The following SMCO4 variants were observed in gnomAD, a reference collection of about 807,000 sequenced individuals.
SMCO4 encodes the protein single-pass membrane protein with coiled-coil domains 4, also known as single-pass membrane and coiled-coil domain-containing protein 4.
Under a neutral mutation model 3.6 loss-of-function variants are expected in SMCO4, and 4 were observed. The ratio of observed to expected loss-of-function variants is 1.11; its 90% CI spans 0.54 to 2.53. SMCO4 has a LOEUF of 2.53. SMCO4 is among the 30% of genes most tolerant of loss of function. The pLI, the probability that SMCO4 is intolerant of heterozygous loss-of-function variation, is 0.02. For synonymous variants in SMCO4, 36 were observed against 35.3 expected (o/e 1.02, Z -0.07); for missense variants, 70 against 80.8 (o/e 0.87, Z 0.51).
At chr11:93,511,419 T>C (rs1948955675) in intron 1 of SMCO4, among the ~76,000 whole-genome samples, 1 of 151,832 alleles carries the variant, frequency 6.6e-6, no homozygotes, top group African/African-American at 2.4e-5. Context: ...ATTATAACGT[T>C]GATAAAAAGA....
At chr11:93,507,512 T>C (rs1948918991) in intron 1 of SMCO4, among the ~76,000 whole-genome samples, 1 of 152,234 alleles carries the variant, frequency 6.6e-6, no homozygotes, top group South Asian at 2.1e-4. Context: ...ATGTGATATG[T>C]TGATATTTTT....
chr11:93,531,542 C>T (rs1283120601), intron 1 of SMCO4, among the ~76,000 whole-genome samples: 1 of 152,180 alleles, frequency 6.6e-6, no homozygotes, highest in Non-Finnish European at 1.5e-5. Context: ...TATAATGAAT[C>T]TCTTTATATA....
At chr11:93,542,114 G>A (rs80023310) in intron 1 of SMCO4, among the ~76,000 whole-genome samples, 15 of 148,572 alleles carry the variant, frequency 1.0e-4, no homozygotes, top group Middle Eastern at 3.5e-3. Flanking sequence ...TTGTAAAGGG[G>A]AAAAAAAAAA....
At chr11:93,541,621 TAC>T (rs1015234875) in intron 1 of SMCO4, among the ~76,000 whole-genome samples, 2 of 152,094 alleles carry the variant, frequency 1.3e-5, no homozygotes, top group African/African-American at 4.8e-5. Flanking sequence ...ACAGGTGAAA[TAC>T]ACACTTTCTA....
chr11:93,527,321 C>CT (rs1162240809), intron 1 of SMCO4, among the ~76,000 whole-genome samples: 1 of 152,176 alleles, frequency 6.6e-6, no homozygotes, highest in African/African-American at 2.4e-5. Flanking sequence ...CTGAAGCTGA[C>CT]TAGCTCTGTG....
In SMCO4 at chr11:93,513,456, CAT is replaced by C. The variant is rs1463484881; in HGVS notation, c.-153-14110_-153-14109del. ...CTAAATTAATTTCAGAATGAGGTAA[CAT>C]AGGTCATGACCTGCAGCTGGAGATG... On this transcript the variant is annotated intron_variant, in intron 1 of 2. Transcript: ENST00000298966. 3.9e-5 allele frequency among the ~76,000 whole-genome samples: 6 copies of C among 152,298 alleles called. No homozygotes were observed. The East Asian group carries it at 1.2e-3, about 29-fold the overall frequency.
chr11:93,493,475 G>A (rs999869375), intron 2 of SMCO4, among the ~76,000 whole-genome samples: 6 of 152,030 alleles, frequency 3.9e-5, no homozygotes, highest in African/African-American at 1.5e-4. Context: ...TAAAATAGAG[G>A]CTGCAGACAC....
intron 2 of SMCO4, among the ~76,000 whole-genome samples, chr11:93,484,818 C>A (rs1180121139): frequency 6.6e-6 from 1 of 151,986 alleles, no homozygotes; most frequent in African/African-American, 2.4e-5. Context: ...CTGGTTCAGG[C>A]TCTCAGGGGA....
At chr11:93,543,862 C>T (rs1949294378), upstream of SMCO4, among the ~76,000 whole-genome samples, 1 of 152,226 alleles carries the variant, frequency 6.6e-6, no homozygotes, top group Admixed American at 6.5e-5. Context: ...GAGACTTTTA[C>T]CGCTGTCTAC....
At chr11:93,549,850 A>T in the SMCO4 span, among the ~76,000 whole-genome samples, 13 of 152,184 alleles carry the variant, frequency 8.5e-5, no homozygotes, top group African/African-American at 3.1e-4. Context: ...CTGTACATTT[A>T]TGTAAGTATC....
upstream of SMCO4, among the ~76,000 whole-genome samples, chr11:93,545,316 G>A (rs916062979): frequency 2.6e-5 from 4 of 152,086 alleles, no homozygotes; most frequent in Non-Finnish European, 5.9e-5. Context: ...GGCTGGGCGT[G>A]GTGGCTTACC....
chr11:93,534,327 TATAC>T (rs1949195915), intron 1 of SMCO4, among the ~76,000 whole-genome samples: 1 of 146,752 alleles, frequency 6.8e-6, no homozygotes, highest in Non-Finnish European at 1.5e-5. Flanking sequence ...TATATACACA[TATAC>T]ATATATACAC....
intron 1 of SMCO4, among the ~76,000 whole-genome samples, chr11:93,517,884 T>C (rs1949022402): frequency 6.6e-6 from 1 of 152,236 alleles, no homozygotes; most frequent in African/African-American, 2.4e-5. Flanking sequence ...TTGTATGGTG[T>C]CACTGGAAAA....
chr11:93,488,912 TG>T (rs1233749139), intron 2 of SMCO4, among the ~76,000 whole-genome samples: 8 of 151,910 alleles, frequency 5.3e-5, no homozygotes, highest in Non-Finnish European at 1.2e-4. Flanking sequence ...AGGAAGACGA[TG>T]GTGGCTTGGA....
chr11:93,487,241 G>C lies in SMCO4; in HGVS notation c.-80-7972C>G, dbSNP rs191464131. Among the ~76,000 whole-genome samples the C allele has an allele frequency of 2.0e-4, 31 of 152,276 alleles. 1 individual carries two copies. The East Asian group carries it at 6.0e-3, about 29-fold the overall frequency. On this transcript the variant is annotated intron_variant, in intron 2 of 2. Transcript: ENST00000298966. ...CAGTCTGCGGCAGAGTGGGGGTAGGGGGCAGACAGGCTGACAGGAGAATTG... is the reference window on the plus strand; with the variant it reads ...CAGTCTGCGGCAGAGTGGGGGTAGGCGGCAGACAGGCTGACAGGAGAATTG...
At chr11:93,482,962 A>G (rs991492949) in intron 2 of SMCO4, among the ~76,000 whole-genome samples, 1 of 152,192 alleles carries the variant, frequency 6.6e-6, no homozygotes, top group Non-Finnish European at 1.5e-5. Context: ...GTCTAATAGA[A>G]TGGGAGAAAA....
chr11:93,499,551 G>A (rs1301986013), intron 1 of SMCO4, among the ~76,000 whole-genome samples: 7 of 152,300 alleles, frequency 4.6e-5, no homozygotes, highest in South Asian at 2.1e-4. Flanking sequence ...GTGCATGTGC[G>A]TGATGGACAG....
At chr11:93,533,188 A>C (rs1487475205) in intron 1 of SMCO4, among the ~76,000 whole-genome samples, 1 of 152,152 alleles carries the variant, frequency 6.6e-6, no homozygotes, top group Non-Finnish European at 1.5e-5. Flanking sequence ...ATGCAGGAAA[A>C]ACTAACGACA....
chr11:93,552,152 C>CTTTTTTTT, the SMCO4 span, among the ~76,000 whole-genome samples: 1 of 109,026 alleles, frequency 9.2e-6, no homozygotes, highest in Non-Finnish European at 1.8e-5. Context: ...CTCATCACTA[C>CTTTTTTTT]TTTTTTTTTT....
Sources: allele counts gnomAD v4.1 joint callset (sites outside exome capture counted in the v4.1 genomes callset), GRCh38; gene constraint gnomAD v4.1.1; transcripts MANE v1.5; gene names NCBI Gene and HGNC (gene_info 2026-07-23, HGNC 2026-07-21).